Variants in PDE8B observed in about 807,000 individuals in gnomAD.
PDE8B encodes high affinity cAMP-specific and IBMX-insensitive 3',5'-cyclic phosphodiesterase 8B.
PDE8B carries 26 observed loss-of-function variants against 101.3 expected under a neutral mutation model. The ratio of observed to expected loss-of-function variants is 0.26; its 90% CI spans 0.19 to 0.36. The LOEUF is 0.36. PDE8B is among the 10% of genes least tolerant of loss of function. The probability of loss-of-function intolerance (pLI) is 1.00; values close to 1 mark genes in which losing one functional copy is unlikely to be tolerated. For synonymous variants in PDE8B, 424 were observed against 429.3 expected, an observed-to-expected ratio of 0.99 and a Z score of 0.15; for missense variants, 810 against 1,163.1, an observed-to-expected ratio of 0.70 and a Z score of 4.42.
chr5:77,274,607 T>G (rs1223440209), intron 1 of PDE8B, among the ~76,000 whole-genome samples: 1 of 152,208 alleles, frequency 6.6e-6, no homozygotes, highest in Non-Finnish European at 1.5e-5. Context: ...GATTTCCAAT[T>G]AAGTATAAAT....
chr5:77,118,609 C>T, the PDE8B span: 5 of 386,350 alleles, frequency 1.3e-5, no homozygotes, highest in East Asian at 1.8e-4. Flanking sequence ...GTGTGAATGA[C>T]CATCTTAGTG....
At chr5:77,145,453 G>T in the PDE8B span, 1 of 152,172 alleles carries the variant, frequency 6.6e-6, no homozygotes, top group Non-Finnish European at 1.5e-5. Context: ...TAGAGAAAAA[G>T]CTAAGTAGTG....
the PDE8B span, among the ~76,000 whole-genome samples, chr5:77,199,263 G>A: frequency 2.0e-5 from 3 of 152,162 alleles, no homozygotes; most frequent in African/African-American, 7.2e-5. Context: ...TGAATCGTAC[G>A]AGTATGTAAG....
At chr5:77,225,850 A>C (rs1198620170) in intron 1 of PDE8B, among the ~76,000 whole-genome samples, 2 of 78,944 alleles carry the variant, frequency 2.5e-5, no homozygotes, top group African/African-American at 1.0e-4. Flanking sequence ...ATGCGCGTGC[A>C]CACACACACA....
the PDE8B span, among the ~76,000 whole-genome samples, chr5:77,102,996 T>A: frequency 5.9e-5 from 9 of 152,144 alleles, no homozygotes; most frequent in Non-Finnish European, 1.3e-4. Context: ...AAATGAAGCA[T>A]CCACCCCTCA....
chr5:77,411,703 G>A lies in PDE8B; in HGVS notation c.1558G>A (p.Glu520Lys), dbSNP rs1794597867. 2.5e-6 allele frequency: 4 copies of A among 1,611,468 alleles called. No homozygotes were observed. Among genetic ancestry groups the A allele is most frequent in the African/African-American group, 2.7e-5 (2 of 74,866 alleles). The change falls in exon 15 of 22, where the codon GAG becomes AAG. Residue 520 changes from glutamate to lysine, a missense_variant. Physicochemically the swap from Glu to Lys is moderately conservative, Grantham distance 56. Coordinates refer to ENST00000264917, the MANE Select transcript of PDE8B (RefSeq NM_003719.5). ...TDGLRRLSGN[E>K]YVFTKNVHQS... is the part of the protein sequence containing the mutation. The stretch of plus-strand genomic sequence containing the variant: ...CGGCTTGAGAAGACTGTCAGGAAAC[G>A]AGTATGTGTTTACTAAGAGTAAGTT...
chr5:77,196,069 T>C, the PDE8B span, among the ~76,000 whole-genome samples: 1 of 152,234 alleles, frequency 6.6e-6, no homozygotes, highest in African/African-American at 2.4e-5. Context: ...GTATATCTTC[T>C]TTGTACAAAT....
chr5:77,334,050 C>G (rs1440687288), intron 5 of PDE8B, among the ~76,000 whole-genome samples: 1 of 152,242 alleles, frequency 6.6e-6, no homozygotes, highest in African/African-American at 2.4e-5. Flanking sequence ...CTGTGGCACA[C>G]CATCAGCTGA....
At chr5:77,147,153 ATGATAATGAG>A in the PDE8B span, 1 of 351,882 alleles carries the variant, frequency 2.8e-6, no homozygotes, top group Non-Finnish European at 5.7e-6. Flanking sequence ...GATGATGATG[ATGATAATGAG>A]TAAGTTGGTT....
chr5:77,108,038 A>T, the PDE8B span, among the ~76,000 whole-genome samples: 3 of 152,080 alleles, frequency 2.0e-5, no homozygotes, highest in Non-Finnish European at 2.9e-5. Flanking sequence ...TTGTGCCTCC[A>T]ACTCCTGGGA....
the PDE8B span, among the ~76,000 whole-genome samples, chr5:77,177,752 T>C: frequency 6.6e-6 from 1 of 152,192 alleles, no homozygotes; most frequent in African/African-American, 2.4e-5. Flanking sequence ...ACGGGGGATG[T>C]GGTGGAGGTA....
intron 1 of PDE8B, among the ~76,000 whole-genome samples, chr5:77,306,333 A>T (rs1170957235): frequency 6.6e-6 from 1 of 152,204 alleles, no homozygotes; most frequent in African/African-American, 2.4e-5. Context: ...CAATTCCACA[A>T]AGCATTTACT....
chr5:77,420,646 C>T (rs1442576603), intron 19 of PDE8B, among the ~76,000 whole-genome samples: 1 of 152,134 alleles, frequency 6.6e-6, no homozygotes, highest in African/African-American at 2.4e-5. Flanking sequence ...GATGGAGTGA[C>T]AGTGTCTACC....
chr5:77,419,345 G>C (rs1259841721), intron 18 of PDE8B, among the ~76,000 whole-genome samples: 1 of 152,182 alleles, frequency 6.6e-6, no homozygotes, highest in Non-Finnish European at 1.5e-5. Context: ...TGCCATCATT[G>C]AAAGAGGCTG....
chr5:77,133,358 A>G, the PDE8B span, among the ~76,000 whole-genome samples: 1 of 152,240 alleles, frequency 6.6e-6, no homozygotes, highest in Admixed American at 6.5e-5. Context: ...TGGATCTGCC[A>G]ACACTCAGCT....
intron 2 of PDE8B, among the ~76,000 whole-genome samples, chr5:77,314,940 CT>C (rs1381629113): frequency 6.6e-6 from 1 of 152,052 alleles, no homozygotes; most frequent in African/African-American, 2.4e-5. Context: ...ATGATGAGCA[CT>C]TTTTTATTTG....
intron 1 of PDE8B, among the ~76,000 whole-genome samples, chr5:77,304,243 T>C (rs1162204134): frequency 6.6e-6 from 1 of 152,204 alleles, no homozygotes; most frequent in African/African-American, 2.4e-5. Flanking sequence ...AATAGTTGGA[T>C]GTAAGATAGT....
At chr5:77,381,428 A>G (rs1381392594) in intron 10 of PDE8B, among the ~76,000 whole-genome samples, 1 of 152,130 alleles carries the variant, frequency 6.6e-6, no homozygotes, top group Non-Finnish European at 1.5e-5. Context: ...GTGAGTTCTG[A>G]TGCCTTTGAC....
In PDE8B at chr5:77,427,166, C is replaced by T. The variant is rs1798294964; in HGVS notation, c.*612C>T. 1 of 154,570 alleles carries T rather than the reference C, an allele frequency of 6.5e-6. No individual in the cohort carries two copies. Among genetic ancestry groups the T allele is most frequent in the South Asian group, 2.0e-4 (1 of 4,992 alleles). 9.6% of individuals were successfully genotyped at this position (154,570 alleles called of 1,614,324 possible). A position where few individuals can be genotyped will look rare whatever the true frequency, so the allele number is the denominator to read the frequency against. ...ATGGTATGACACCTAAGTTAGAACACAGCCTTGGCTGGTGGGTGCCCTCTC... is the reference window on the plus strand; with the variant it reads ...ATGGTATGACACCTAAGTTAGAACATAGCCTTGGCTGGTGGGTGCCCTCTC... On this transcript the variant is annotated 3_prime_UTR_variant, in exon 22 of 22. Coordinates refer to ENST00000264917, the MANE Select transcript of PDE8B (RefSeq NM_003719.5).
Sources: gnomAD v4.1 joint callset for allele counts (sites outside exome capture counted in the v4.1 genomes callset) on GRCh38, gnomAD v4.1.1 for gene constraint, MANE v1.5 for transcripts, NCBI Gene and HGNC (gene_info 2026-07-23, HGNC 2026-07-21) for gene names.